SH3D19: variants seen among roughly 807,000 people sequenced by gnomAD.
The protein encoded by SH3D19 is SH3 domain-containing protein 19.
SH3D19 carries 58 observed loss-of-function variants against 112.1 expected under a neutral mutation model. That is an observed-to-expected ratio of 0.52 (90% CI 0.42 to 0.64). The LOEUF is 0.64. Ranked by LOEUF, SH3D19 falls within the 30% of genes least tolerant of loss-of-function variation. SH3D19 has a pLI of 0.00. For missense variants in SH3D19, 1,090 were observed against 1,263.4 expected, an observed-to-expected ratio of 0.86 and a Z score of 2.08; for synonymous variants, 391 against 448.5, an observed-to-expected ratio of 0.87 and a Z score of 1.62.
In SH3D19 at chr4:151,194,884, G is replaced by A. The variant is rs192035973; in HGVS notation, c.153-7421C>T. Among the ~76,000 whole-genome samples, 366 of 151,072 alleles carry A rather than the reference G, an allele frequency of 2.4e-3. 1 individual carries two copies. Among genetic ancestry groups the A allele is most frequent in the Non-Finnish European group, 3.8e-3 (256 of 67,738 alleles). On this transcript the variant is annotated intron_variant, in intron 2 of 19. Coordinates refer to ENST00000604030, the MANE Select transcript of SH3D19 (RefSeq NM_001378122.1). The stretch of plus-strand genomic sequence containing the variant: ...GTGGATCGCCACAGGTCAGGAGTTC[G>A]AGACCAGCCTAGCCAATGTGGTGAA...
chr4:151,182,138 A>C (rs1761058890), intron 3 of SH3D19, among the ~76,000 whole-genome samples: 1 of 151,956 alleles, frequency 6.6e-6, no homozygotes, highest in Non-Finnish European at 1.5e-5. Flanking sequence ...ACAGGCATGC[A>C]CGACCACACC....
chr4:151,128,318 G>T lies in SH3D19; in HGVS notation c.2781C>A (p.His927Gln). The change falls in exon 18 of 20, where the codon CAC becomes CAA. Residue 927 changes from histidine (H) to glutamine (Q), a missense_variant. Coordinates refer to ENST00000604030, the MANE Select transcript of SH3D19 (RefSeq NM_001378122.1). ...SLPAEWCEAL[H>Q]SFTAETSDDL... Reference sequence around the variant, plus strand: ...CATCACTGGTCTCTGCTGTAAAACTGTGAAGAGCTTCACACCATTCTGCCG... The same window carrying T: ...CATCACTGGTCTCTGCTGTAAAACTTTGAAGAGCTTCACACCATTCTGCCG... The T allele has an allele frequency of 6.2e-7, 1 of 1,613,938 alleles. No homozygotes were observed. Among genetic ancestry groups the T allele is most frequent in the Admixed American group, 1.7e-5 (1 of 59,984 alleles).
chr4:151,233,075 T>G (rs1337240488), intron 1 of SH3D19, among the ~76,000 whole-genome samples: 1 of 151,922 alleles, frequency 6.6e-6, no homozygotes, highest in Non-Finnish European at 1.5e-5. Flanking sequence ...TGAACCCTAT[T>G]GTGAACCGCA....
chr4:151,260,629 T>A (rs1772303387), intron 1 of SH3D19, among the ~76,000 whole-genome samples: 1 of 152,234 alleles, frequency 6.6e-6, no homozygotes, highest in Non-Finnish European at 1.5e-5. Flanking sequence ...TGAGATAACA[T>A]CACTCCCTGC....
chr4:151,292,956 C>A (rs979408067), intron 1 of SH3D19, among the ~76,000 whole-genome samples: 5 of 151,610 alleles, frequency 3.3e-5, no homozygotes, highest in Admixed American at 6.6e-5. Context: ...CCTGTCTCTA[C>A]CAAAAATACA....
At chr4:151,187,589 G>A (rs1369152877) in intron 2 of SH3D19, 126 bp from the exon 3 acceptor site, 1 of 449,492 alleles carries the variant, frequency 2.2e-6, no homozygotes, top group African/African-American at 2.0e-5. Context: ...TTATTTACTG[G>A]CCTATCCTCT....
intron 18 of SH3D19, 32 bp from the exon 19 acceptor site, chr4:151,127,747 A>C: frequency 7.6e-7 from 1 of 1,314,868 alleles, no homozygotes; most frequent in Non-Finnish European, 1.0e-6. Context: ...AAATATATAG[A>C]AACACAGTGG....
intron 18 of SH3D19, 56 bp from the exon 19 acceptor site, chr4:151,127,771 T>G: frequency 9.6e-7 from 1 of 1,044,906 alleles, no homozygotes. Flanking sequence ...AAAACACAAA[T>G]CTAACATTTT....
rs6810587 is a variant in SH3D19, at chr4:151,271,447, C to A, written c.113-45361G>T. Among the ~76,000 whole-genome samples, 1,187 of 152,306 alleles carry A rather than the reference C, an allele frequency of 7.8e-3. 16 individuals are homozygous for A. Among genetic ancestry groups the A allele is most frequent in the African/African-American group, 0.027 (1,139 of 41,548 alleles). The stretch of plus-strand genomic sequence containing the variant: ...TTCTTGAAGTAGCATCTTTGCTTTA[C>A]AGCAGTGGTTCTCCCAGGGGACATT... On this transcript the variant is annotated intron_variant, in intron 1 of 19. Coordinates refer to ENST00000604030, the MANE Select transcript of SH3D19 (RefSeq NM_001378122.1).
chr4:151,226,201 T>C lies in SH3D19; in HGVS notation c.113-115A>G, dbSNP rs1045862153. ...TTCACAAAGGACTGTTCAAAGGTAG[T>C]TGTGTCTTCCTAAGTATAAGGCTCT... On this transcript the variant is annotated intron_variant, in intron 1 of 19. Transcript: ENST00000604030. 4.1e-6 allele frequency: 5 copies of C among 1,227,932 alleles called. No homozygotes were observed. In the African/African-American group the frequency reaches 7.8e-5, roughly 19 times the overall value. 76.1% of individuals were successfully genotyped at this position (1,227,932 alleles called of 1,614,324 possible). A position where few individuals can be genotyped will look rare whatever the true frequency, so the allele number is the denominator to read the frequency against.
chr4:151,295,697 A>C (rs1465441331), intron 1 of SH3D19, among the ~76,000 whole-genome samples: 1 of 152,184 alleles, frequency 6.6e-6, no homozygotes, highest in Admixed American at 6.6e-5. Flanking sequence ...CACTGATTAG[A>C]AAAGGAGGCA....
At chr4:151,130,310 T>G (rs1750351822) in intron 17 of SH3D19, among the ~76,000 whole-genome samples, 2 of 151,886 alleles carry the variant, frequency 1.3e-5, no homozygotes. Context: ...AGTGGTGGTG[T>G]GTGCCTGTCA....
chr4:151,238,228 G>A lies in SH3D19; in HGVS notation c.113-12142C>T, dbSNP rs542962534. On this transcript the variant is annotated intron_variant, in intron 1 of 19. Transcript: ENST00000604030. ...CCCAAATGAATTTTCTGAGTAGGAT[G>A]AAAGAGTGGCATAAAGAAAGGAACT... 7.2e-5 allele frequency among the ~76,000 whole-genome samples: 11 copies of A among 152,214 alleles called. No individual in the cohort carries two copies. In the East Asian group the frequency reaches 1.9e-3, roughly 27 times the overall value.
At chr4:151,307,658 A>G (rs543782161) in intron 1 of SH3D19, among the ~76,000 whole-genome samples, 1 of 152,370 alleles carries the variant, frequency 6.6e-6, no homozygotes, top group Admixed American at 6.5e-5. Flanking sequence ...TTTGACATCC[A>G]TGAACTGTGC....
chr4:151,265,575 T>TTTC (rs1465998025), intron 1 of SH3D19, among the ~76,000 whole-genome samples: 105 of 144,856 alleles, frequency 7.2e-4, no homozygotes, highest in Middle Eastern at 3.5e-3. Context: ...TTTTCTTTTT[T>TTTC]TTTTTTTTTT....
intron 1 of SH3D19, chr4:151,227,665 A>T: frequency 1.3e-6 from 1 of 799,672 alleles, no homozygotes; most frequent in Non-Finnish European, 1.5e-6. Context: ...TTAGCCTGCT[A>T]GCTTCGCTAC....
At chr4:151,165,463 G>T in intron 8 of SH3D19, 126 bp downstream of exon 8, 2 of 700,506 alleles carry the variant, frequency 2.9e-6, no homozygotes, top group Non-Finnish European at 4.6e-6. Flanking sequence ...AAAACAATTT[G>T]CTTTTAAATA....
intron 1 of SH3D19, among the ~76,000 whole-genome samples, chr4:151,302,504 A>C (rs916047790): frequency 6.6e-6 from 1 of 152,220 alleles, no homozygotes; most frequent in Admixed American, 6.5e-5. Flanking sequence ...TGAACCTGAA[A>C]AGAAACTTGG....
At chr4:151,255,515 C>T (rs1015019480) in intron 1 of SH3D19, among the ~76,000 whole-genome samples, 3 of 151,572 alleles carry the variant, frequency 2.0e-5, no homozygotes, top group African/African-American at 4.9e-5. Flanking sequence ...AGATGGCGGC[C>T]GGGCGGAGAC....
Sources: allele counts gnomAD v4.1 joint callset (sites outside exome capture counted in the v4.1 genomes callset), GRCh38; gene constraint gnomAD v4.1.1; transcripts MANE v1.5; gene names NCBI Gene and HGNC (gene_info 2026-07-23, HGNC 2026-07-21).